The following FGF13 variants were observed in gnomAD, a reference collection of about 807,000 sequenced individuals.
FGF13 encodes fibroblast growth factor homologous factor 2.
Under a neutral mutation model 19.5 loss-of-function variants are expected in FGF13, and 2 were observed. The ratio of observed to expected loss-of-function variants is 0.10; its 90% CI spans 0.04 to 0.32. The LOEUF (loss-of-function observed/expected upper bound fraction) is 0.32. Among genes scored for constraint, FGF13 ranks in the 10% least tolerant of loss-of-function variants. The probability of loss-of-function intolerance (pLI) is 1.00; values close to 1 mark genes in which losing one functional copy is unlikely to be tolerated. For synonymous variants in FGF13, 72 were observed against 76.9 expected (o/e 0.94, Z 0.33); for missense variants, 113 against 192.7 (o/e 0.59, Z 2.45).
intron 1 of FGF13, among the ~76,000 whole-genome samples, chrX:138,734,085 C>T (rs972562881): frequency 3.6e-5 from 4 of 111,640 alleles, no homozygotes; most frequent in African/African-American, 1.3e-4. Context: ...CTATTCAGTA[C>T]TGCATACCTA....
At chrX:138,684,733 C>T (rs2089762574) in intron 3 of FGF13, among the ~76,000 whole-genome samples, 1 of 111,531 alleles carries the variant, frequency 9.0e-6, no homozygotes, top group Non-Finnish European at 1.9e-5. Flanking sequence ...TGTAACATCA[C>T]AAGAAAATAG....
chrX:138,740,557 C>T (rs182933853), upstream of FGF13, among the ~76,000 whole-genome samples: 29 of 111,966 alleles, frequency 2.6e-4, 1 homozygote, highest in Admixed American at 2.6e-3. Context: ...TGCTTTAGCT[C>T]TGAGGATGGG....
chrX:139,062,098 C>T (rs1603171433), intron 1 of FGF13, among the ~76,000 whole-genome samples: 2 of 111,166 alleles, frequency 1.8e-5, no homozygotes, highest in East Asian at 5.6e-4. Context: ...TTTTCTTTTG[C>T]TGTCTGTTCT....
At chrX:138,875,995 TACACACACAC>T (rs749175408) in intron 1 of FGF13, among the ~76,000 whole-genome samples, 1,542 of 98,031 alleles carry the variant, frequency 0.016, 22 homozygotes, top group African/African-American at 0.052. Context: ...TATCGGCTTG[TACACACACAC>T]ACACACACAC....
intron 3 of FGF13, among the ~76,000 whole-genome samples, chrX:138,636,207 G>C (rs2089182489): frequency 9.0e-6 from 1 of 110,994 alleles, no homozygotes; most frequent in Non-Finnish European, 1.9e-5. Context: ...GATTTTTTTT[G>C]GATCATTGGA....
At chrX:138,716,938 C>G (rs2090109655) in intron 1 of FGF13, among the ~76,000 whole-genome samples, 1 of 112,109 alleles carries the variant, frequency 8.9e-6, no homozygotes, top group African/African-American at 3.2e-5. Flanking sequence ...AATACTTAAG[C>G]TATAGAATTT....
intron 1 of FGF13, among the ~76,000 whole-genome samples, chrX:138,891,006 T>C (rs183524473): frequency 3.6e-5 from 4 of 112,120 alleles, no homozygotes; most frequent in Non-Finnish European, 7.5e-5. Context: ...AAAAAAACAT[T>C]TGTGGCCGGG....
At chrX:138,656,123 T>A (rs947588520) in intron 3 of FGF13, among the ~76,000 whole-genome samples, 15 of 111,651 alleles carry the variant, frequency 1.3e-4, no homozygotes, top group African/African-American at 4.6e-4. Flanking sequence ...GTTGCAAGTA[T>A]TGTTTGGCAA....
intron 3 of FGF13, among the ~76,000 whole-genome samples, chrX:138,749,559 A>G (rs1357586822): frequency 1.8e-5 from 2 of 111,269 alleles, no homozygotes; most frequent in Admixed American, 1.9e-4. Context: ...AGTCAAATCA[A>G]TTGTTGGGAG....
chrX:138,933,658 G>A (rs1386787582), intron 1 of FGF13, among the ~76,000 whole-genome samples: 1 of 112,160 alleles, frequency 8.9e-6, no homozygotes, highest in Non-Finnish European at 1.9e-5. Context: ...TGGCCTTTTA[G>A]CATTGGCTTC....
chrX:139,203,109 T>G (rs1279904195), intron 1 of FGF13, among the ~76,000 whole-genome samples: 1 of 111,359 alleles, frequency 9.0e-6, no homozygotes. Context: ...CGGCAAAGGG[T>G]GGGGGGGCGT....
chrX:138,970,526 A>C (rs1400932233), intron 1 of FGF13, among the ~76,000 whole-genome samples: 1 of 111,556 alleles, frequency 9.0e-6, no homozygotes, highest in African/African-American at 3.3e-5. Flanking sequence ...GCTCCTAAAA[A>C]CAGCCTTGCT....
intron 1 of FGF13, among the ~76,000 whole-genome samples, chrX:138,996,687 T>C (rs948156166): frequency 2.7e-5 from 3 of 112,491 alleles, no homozygotes; most frequent in African/African-American, 9.7e-5. Context: ...AGTCAGGGAC[T>C]TATAGATAAA....
chrX:139,043,244 C>T lies in FGF13; in HGVS notation c.-113+160172G>A, dbSNP rs906502574. 9.9e-5 allele frequency among the ~76,000 whole-genome samples: 11 copies of T among 110,697 alleles called. No homozygotes were observed. In the Admixed American group the frequency reaches 1.1e-3, roughly 11 times the overall value. On this transcript the variant is annotated intron_variant, in intron 1 of 2. Coordinates refer to the FGF13 transcript ENST00000421460. ...TTTTTGGGGTGGGGATGGAGTCTCA[C>T]TCTGTCATGCAGGCTGGAGTGCAGT... is the stretch of plus-strand genomic sequence containing the variant.
intron 3 of FGF13, among the ~76,000 whole-genome samples, chrX:138,818,777 T>C (rs2090979795): frequency 9.0e-6 from 1 of 111,406 alleles, no homozygotes; most frequent in African/African-American, 3.3e-5. Context: ...ATTTTTTTTC[T>C]TTCATTTTCT....
Position 138,773,435 on chromosome X carries a change from T to C in FGF13, c.218-64507A>G, listed in dbSNP as rs747556011. On this transcript the variant is annotated intron_variant, in intron 3 of 6. Coordinates refer to the FGF13 transcript ENST00000436198. ...TCAAGTCACAGGGAGTGCAAACATG[T>C]CATTATTCCCACTTGGACGTTTTTA... Among the ~76,000 whole-genome samples the C allele has an allele frequency of 2.7e-5, 3 of 112,200 alleles. No homozygotes were observed. The South Asian group carries it at 1.1e-3, about 41-fold the overall frequency.
At chrX:139,050,765 A>T (rs1286769957) in intron 1 of FGF13, among the ~76,000 whole-genome samples, 1 of 112,324 alleles carries the variant, frequency 8.9e-6, no homozygotes, top group Non-Finnish European at 1.9e-5. Context: ...GAAATGTAAT[A>T]GCTCAGAACA....
chrX:139,153,689 C>G (rs1419773793), intron 1 of FGF13, among the ~76,000 whole-genome samples: 3 of 111,666 alleles, frequency 2.7e-5, no homozygotes, highest in Non-Finnish European at 5.6e-5. Flanking sequence ...TCCTAACTCC[C>G]AAGTACCTGT....
At chrX:139,047,414 T>A in intron 1 of FGF13, among the ~76,000 whole-genome samples, 1 of 111,434 alleles carries the variant, frequency 9.0e-6, no homozygotes, top group East Asian at 2.8e-4. Context: ...TTTTTTTTAT[T>A]ATACTTTAAG....
Sources: gnomAD v4.1 joint callset for allele counts (sites outside exome capture counted in the v4.1 genomes callset) on GRCh38, gnomAD v4.1.1 for gene constraint, MANE v1.5 for transcripts, NCBI Gene and HGNC (gene_info 2026-07-23, HGNC 2026-07-21) for gene names.